LAMA2: variants seen among roughly 807,000 people sequenced by gnomAD.
LAMA2 encodes the protein laminin subunit alpha-2.
Under a neutral mutation model 364.8 loss-of-function variants are expected in LAMA2, and 269 were observed. The ratio of observed to expected loss-of-function variants is 0.74; its 90% CI spans 0.67 to 0.82. The LOEUF (loss-of-function observed/expected upper bound fraction) is 0.82, where lower values mean the gene tolerates loss of function less well. Among genes scored for constraint, LAMA2 ranks in the 40% least tolerant of loss-of-function variants. The pLI is 0.00. For synonymous variants in LAMA2, 1,379 were observed against 1,370.6 expected, an observed-to-expected ratio of 1.01 and a Z score of -0.14; for missense variants, 3,807 against 3,873.2, an observed-to-expected ratio of 0.98 and a Z score of 0.45.
At chr6:129,252,462 C>A (rs1157802510) in intron 14 of LAMA2, among the ~76,000 whole-genome samples, 167 bp downstream of exon 14, 1 of 152,084 alleles carries the variant, frequency 6.6e-6, no homozygotes, top group African/African-American at 2.4e-5. Context: ...TAAACCTTTA[C>A]AGTTTTAAAT....
chr6:128,982,299 T>C (rs1782935085), intron 1 of LAMA2, among the ~76,000 whole-genome samples: 1 of 152,206 alleles, frequency 6.6e-6, no homozygotes, highest in Non-Finnish European at 1.5e-5. Context: ...TTCCTTCCCA[T>C]TAAAAATACT....
At chr6:129,256,763 CATATATAT>C (rs199726173) in intron 14 of LAMA2, among the ~76,000 whole-genome samples, 921 of 87,952 alleles carry the variant, frequency 0.01, 27 homozygotes, top group East Asian at 0.069. Context: ...AATTATATAG[CATATATAT>C]ATATATATAT....
intron 1 of LAMA2, among the ~76,000 whole-genome samples, chr6:128,898,017 A>G (rs1427559781): frequency 1.3e-5 from 2 of 152,202 alleles, no homozygotes; most frequent in African/African-American, 2.4e-5. Context: ...TTTAAACCTG[A>G]TCATCCTCAC....
intron 4 of LAMA2, among the ~76,000 whole-genome samples, chr6:129,125,996 AT>A (rs1282708531): frequency 6.6e-6 from 1 of 152,218 alleles, no homozygotes; most frequent in Non-Finnish European, 1.5e-5. Flanking sequence ...TTATACCCAT[AT>A]TTAAACCTAC....
At chr6:129,240,908 A>T (rs1313889118) in intron 12 of LAMA2, among the ~76,000 whole-genome samples, 1 of 152,160 alleles carries the variant, frequency 6.6e-6, no homozygotes. Flanking sequence ...TTCTCCTTCA[A>T]CTGCAGATCA....
At chr6:129,391,352 C>A in intron 35 of LAMA2, 139 bp from the exon 36 acceptor site, 1 of 756,914 alleles carries the variant, frequency 1.3e-6, no homozygotes, top group East Asian at 2.4e-5. Context: ...GTCTTAACTG[C>A]CTCTGTGGTT....
intron 12 of LAMA2, among the ~76,000 whole-genome samples, chr6:129,242,607 A>G (rs141791354): frequency 5.0e-4 from 76 of 152,250 alleles, no homozygotes; most frequent in African/African-American, 1.7e-3. Flanking sequence ...AATTATGGAT[A>G]ACATGTATTT....
At chr6:129,359,507 C>T (rs1274997460) in intron 32 of LAMA2, among the ~76,000 whole-genome samples, 1 of 151,712 alleles carries the variant, frequency 6.6e-6, no homozygotes, top group Non-Finnish European at 1.5e-5. Flanking sequence ...TGACTAAATA[C>T]ATCTTAATAA....
rs2114860547 is a variant in LAMA2 at position 129,492,293 on chromosome 6, CTTAT to C, written c.8076-16_8076-13del. 1 of 1,609,468 alleles carries C rather than the reference CTTAT, an allele frequency of 6.2e-7. No individual in the cohort carries two copies. The highest frequency in any genetic ancestry group is 1.1e-5 in the South Asian group (1 of 90,776). On this transcript the variant is annotated intron_variant, in intron 57 of 64. Coordinates refer to ENST00000421865, the MANE Select transcript of LAMA2 (RefSeq NM_000426.4). ...AGCAAAAAAACGAAAATAAAAAAAT[CTTAT>C]TTATTACATTCTATTAGCCCCATGG...
intron 34 of LAMA2, among the ~76,000 whole-genome samples, chr6:129,381,335 T>TA (rs1287732821): frequency 6.6e-6 from 1 of 151,874 alleles, no homozygotes; most frequent in Non-Finnish European, 1.5e-5. Flanking sequence ...GAACATCTTT[T>TA]TTTTTCTTTT....
intron 1 of LAMA2, among the ~76,000 whole-genome samples, chr6:128,972,509 G>A (rs547213197): frequency 6.6e-6 from 1 of 152,292 alleles, no homozygotes; most frequent in South Asian, 2.1e-4. Context: ...ACAAATGATA[G>A]ACATTACTTC....
At chr6:129,329,562 A>C (rs1775505789) in intron 29 of LAMA2, among the ~76,000 whole-genome samples, 1 of 151,916 alleles carries the variant, frequency 6.6e-6, no homozygotes. Flanking sequence ...GGGTTTCACC[A>C]TGTTGTCTAG....
intron 12 of LAMA2, among the ~76,000 whole-genome samples, chr6:129,200,360 A>ACG (rs1782183770): frequency 6.8e-6 from 1 of 146,304 alleles, no homozygotes; most frequent in Non-Finnish European, 1.5e-5. Flanking sequence ...ACACATATAC[A>ACG]TATACACGTG....
chr6:129,107,458 A>G (rs1447431792), intron 4 of LAMA2, among the ~76,000 whole-genome samples: 1 of 152,140 alleles, frequency 6.6e-6, no homozygotes, highest in Non-Finnish European at 1.5e-5. Context: ...TGGCTAGGGA[A>G]GGCAGAGGCT....
chr6:129,222,792 G>A (rs373815034), intron 12 of LAMA2, among the ~76,000 whole-genome samples: 36 of 151,874 alleles, frequency 2.4e-4, no homozygotes, highest in Non-Finnish European at 4.3e-4. Flanking sequence ...GAATAGTGCC[G>A]CAATAAACAT....
intron 22 of LAMA2, among the ~76,000 whole-genome samples, chr6:129,306,522 A>T (rs1432388300): frequency 6.6e-6 from 1 of 151,622 alleles, no homozygotes; most frequent in Non-Finnish European, 1.5e-5. Context: ...TGGAAATGAA[A>T]GTTGTCAGCC....
At chr6:129,134,098 G>T (rs954537227) in intron 4 of LAMA2, among the ~76,000 whole-genome samples, 1 of 152,188 alleles carries the variant, frequency 6.6e-6, no homozygotes, top group African/African-American at 2.4e-5. Flanking sequence ...GGAAAATGTT[G>T]CTTAAGTTTT....
At position 129,098,393 on chromosome 6, in the gene LAMA2, T is replaced by TACAC; in HGVS notation, c.618_621dup (p.Pro208ThrfsTer21). On this transcript the variant is annotated frameshift_variant, in exon 4 of 65. Coordinates refer to ENST00000421865, the MANE Select transcript of LAMA2 (RefSeq NM_000426.4). LOFTEE classifies it high-confidence loss of function. ...ATCTGCACTTCATTTTACTCCAAGA[T>TACAC]ACACCCCTTAGAAAATGGAGAGGTA... 3 of 1,614,036 alleles carry TACAC rather than the reference T, an allele frequency of 1.9e-6. No homozygotes were observed. Among genetic ancestry groups the TACAC allele is most frequent in the Non-Finnish European group, 2.5e-6 (3 of 1,179,970 alleles).
chr6:129,154,597 G>T lies in LAMA2; in HGVS notation c.1120G>T (p.Gly374Ter). ...TTTGAATATACGTGGAAAGTACATT[G>T]GAGGGGGTGTCTGCATTAATTGTAC... ...LSLNIRGKYI[G>*]GGVCINCTQN... The change falls in exon 8 of 65, where the codon GGA becomes TGA. Residue 374 changes from glycine (G) to a stop codon, truncating the protein, a stop_gained. Coordinates refer to ENST00000421865, the MANE Select transcript of LAMA2 (RefSeq NM_000426.4). LOFTEE classifies it high-confidence loss of function. 1 of 1,613,754 alleles carries T rather than the reference G, an allele frequency of 6.2e-7. No homozygotes were observed. Among genetic ancestry groups the T allele is most frequent in the Non-Finnish European group, 8.5e-7 (1 of 1,179,650 alleles).
Sources: allele counts gnomAD v4.1 joint callset (sites outside exome capture counted in the v4.1 genomes callset), GRCh38; gene constraint gnomAD v4.1.1; transcripts MANE v1.5; gene names NCBI Gene and HGNC (gene_info 2026-07-23, HGNC 2026-07-21).